The following ALOX12B variants were observed in gnomAD, a reference collection of about 807,000 sequenced individuals.
ALOX12B encodes arachidonate 12-lipoxygenase, 12R type.
ALOX12B carries 47 observed loss-of-function variants against 78.9 expected under a neutral mutation model. The observed-to-expected ratio is 0.60, with a 90% CI of 0.47 to 0.76. ALOX12B has a LOEUF of 0.76. ALOX12B is among the 30% of genes least tolerant of loss of function. ALOX12B has a pLI of 0.00. For synonymous variants in ALOX12B, 370 were observed against 374.5 expected (o/e 0.99, Z 0.14); for missense variants, 805 against 922.6 (o/e 0.87, Z 1.65).
intron 8 of ALOX12B, among the ~76,000 whole-genome samples, chr17:8,077,420 G>A (rs904556590): frequency 3.3e-5 from 5 of 152,170 alleles, no homozygotes; most frequent in Non-Finnish European, 7.3e-5. Context: ...GTCTCTACCT[G>A]GCAGCTCCCA....
chr17:8,076,900 T>A, intron 9 of ALOX12B, 90 bp downstream of exon 9: 1 of 1,469,040 alleles, frequency 6.8e-7, no homozygotes, highest in Non-Finnish European at 9.3e-7. Context: ...CTGACTGGAG[T>A]CTCTCTGACT....
Position 8,076,640 on chromosome 17 carries a change from G to A in ALOX12B, c.1362+17C>T. ...GGAAAACAAATGTCTCGTTGGGGTT[G>A]GGGGCAGAAGTCTTACCTTGGCAGA... On this transcript the variant is annotated intron_variant, in intron 10 of 14. Transcript: ENST00000647874. 6.5e-7 allele frequency: 1 copy of A among 1,548,614 alleles called. No individual in the cohort carries two copies. The highest frequency in any genetic ancestry group is 8.7e-7 in the Non-Finnish European group (1 of 1,144,330).
At chr17:8,082,653 A>G (rs1365743220) in intron 2 of ALOX12B, among the ~76,000 whole-genome samples, 1 of 152,198 alleles carries the variant, frequency 6.6e-6, no homozygotes, top group African/African-American at 2.4e-5. Context: ...CACCCTGAAC[A>G]TCTGCTTCTT....
At position 8,079,655 on chromosome 17, in the gene ALOX12B, C is replaced by G; in HGVS notation, c.927+114G>C. ...GGCAGGGGTGGGACGGGGACAGGGACGCGGGGTGCGGGCTTGCCTGGGACT... is the reference window on the plus strand; with the variant it reads ...GGCAGGGGTGGGACGGGGACAGGGAGGCGGGGTGCGGGCTTGCCTGGGACT... On this transcript the variant is annotated intron_variant, in intron 7 of 14. Transcript: ENST00000647874. The surrounding 1 kb of genome is among the most constrained non-coding windows in gnomAD (Gnocchi z 6.4). 1 of 1,532,946 alleles carries G rather than the reference C, an allele frequency of 6.5e-7. No homozygotes were observed. The highest frequency in any genetic ancestry group is 1.4e-5 in the African/African-American group (1 of 72,806). 95.0% of individuals were successfully genotyped at this position (1,532,946 alleles called of 1,614,324 possible). A position where few individuals can be genotyped will look rare whatever the true frequency, so the allele number is the denominator to read the frequency against.
intron 1 of ALOX12B, among the ~76,000 whole-genome samples, 160 bp from the exon 2 acceptor site, chr17:8,086,380 T>C (rs1978298526): frequency 6.6e-6 from 1 of 152,142 alleles, no homozygotes; most frequent in Non-Finnish European, 1.5e-5. Flanking sequence ...TTGAGCTTCC[T>C]TCTGACTTCT....
rs753337186 is a variant in ALOX12B, at chr17:8,087,463, G to T, written c.-21C>A. 13 of 1,613,962 alleles carry T rather than the reference G, an allele frequency of 8.1e-6. No homozygotes were observed. In the Admixed American group the frequency reaches 2.2e-4, roughly 27 times the overall value. On this transcript the variant is annotated 5_prime_UTR_variant, in exon 1 of 15. Transcript: ENST00000647874. ...GCCATGGCTGCTCTTCAGGAGGCAA[G>T]AGGGGCACTCAGTCCCAGACACCGT...
chr17:8,077,621 G>A (rs1316036589), intron 8 of ALOX12B, among the ~76,000 whole-genome samples: 1 of 152,208 alleles, frequency 6.6e-6, no homozygotes, highest in African/African-American at 2.4e-5. Flanking sequence ...AGGCTCTGGG[G>A]CTCTGGCCCA....
At position 8,076,978 on chromosome 17, in the gene ALOX12B, C is replaced by T. The variant is rs1361028106; in HGVS notation, c.1275+12G>A. 1 of 1,611,538 alleles carries T rather than the reference C, an allele frequency of 6.2e-7. No individual in the cohort carries two copies. Among genetic ancestry groups the T allele is most frequent in the Non-Finnish European group, 8.5e-7 (1 of 1,179,172 alleles). On this transcript the variant is annotated intron_variant, in intron 9 of 14. Coordinates refer to ENST00000647874, the MANE Select transcript of ALOX12B (RefSeq NM_001139.3). ...TGATGCCTGGGGGAGGCCCCTTCTC[C>T]CAAGCCCATACCTTGTAGAGGGGGT...
intron 2 of ALOX12B, among the ~76,000 whole-genome samples, chr17:8,082,362 A>G (rs1053410029): frequency 6.6e-6 from 1 of 152,178 alleles, no homozygotes; most frequent in African/African-American, 2.4e-5. Flanking sequence ...AGCTGTGGAA[A>G]GTCACAAAAG....
At position 8,086,205 on chromosome 17, in the gene ALOX12B, C is replaced by T. The variant is rs561140227; in HGVS notation, c.163G>A (p.Val55Met). ...FATGAVGQYT[V>M]QCPQDLGELI... ...TCACCCAGGTCCTGAGGGCACTGCA[C>T]GGTGTACTGGCCCACCTAGGCAGGA... Residue 55 changes from valine (V) to methionine (M), a missense_variant, in exon 2 of 15, where the codon GTG becomes ATG. Coordinates refer to ENST00000647874, the MANE Select transcript of ALOX12B (RefSeq NM_001139.3). The T allele has an allele frequency of 2.8e-5, 46 of 1,614,060 alleles. No homozygotes were observed. Among genetic ancestry groups the T allele is most frequent in the Middle Eastern group, 1.7e-4 (1 of 6,050 alleles).
chr17:8,085,937 C>A, intron 2 of ALOX12B, 79 bp downstream of exon 2: 1 of 1,548,142 alleles, frequency 6.5e-7, no homozygotes, highest in South Asian at 1.1e-5. Flanking sequence ...TTGATGGGAG[C>A]CTGGGTGCCA....
rs1431851231 is a variant in ALOX12B at position 8,075,680 on chromosome 17, A to C, written c.1569T>G (p.Ser523Arg). 3.1e-6 allele frequency: 5 copies of C among 1,613,950 alleles called. No homozygotes were observed. Among genetic ancestry groups the C allele is most frequent in the Non-Finnish European group, 4.2e-6 (5 of 1,180,024 alleles). The change falls in exon 12 of 15, where the codon AGT becomes AGG. Residue 523 changes from serine to arginine, a missense_variant. Transcript: ENST00000647874. ...VTEIITYYYP[S>R]DAAVEGDPEL... is the part of the protein sequence containing the mutation. ...CCGGATCACCCTCCACGGCTGCGTC[A>C]CTCGGGTAATAATAGGTGATGATCT...
rs781409869 is a variant in ALOX12B at position 8,077,111 on chromosome 17, AC to A, written c.1153del (p.Val385TyrfsTer30). 2.5e-6 allele frequency: 4 copies of A among 1,613,922 alleles called. No homozygotes were observed. Among genetic ancestry groups the A allele is most frequent in the Non-Finnish European group, 3.4e-6 (4 of 1,180,008 alleles). ...EWDWLLAKTWVRYAEFYSHEA... is the reference protein window; with the variant it reads ...EWDWLLAKTWXRYAEFYSHEA... The stretch of plus-strand genomic sequence containing the variant: ...GTGGCTGTAGAACTCCGCATAGCGT[AC>A]CCACGTCTTGGCTAGCAGCCAGTCC... On this transcript the variant is annotated frameshift_variant, in exon 9 of 15. Transcript: ENST00000647874. LOFTEE classifies it high-confidence loss of function.
At chr17:8,075,530 G>T in intron 12 of ALOX12B, 65 bp downstream of exon 12, 9 of 1,611,256 alleles carry the variant, frequency 5.6e-6, no homozygotes, top group South Asian at 1.1e-5. Flanking sequence ...GGCCCTAGCA[G>T]ACCTGCCTGG....
rs755324929 is a variant in ALOX12B at position 8,077,080 on chromosome 17, G to T, written c.1185C>A (p.Ala395=). The change falls in exon 9 of 15, where the codon GCC becomes GCA. Residue 395 remains alanine (A), a synonymous_variant. Coordinates refer to ENST00000647874, the MANE Select transcript of ALOX12B (RefSeq NM_001139.3). ...VRYAEFYSHE[A]IAHLLETHLI... is the part of the protein sequence containing the mutation. ...GGTGTGTCTCCAGCAGGTGGGCGAT[G>T]GCCTCGTGGCTGTAGAACTCCGCAT... 105 of 1,613,938 alleles carry T rather than the reference G, an allele frequency of 6.5e-5. No homozygotes were observed. The highest frequency in any genetic ancestry group is 8.3e-5 in the Non-Finnish European group (98 of 1,180,026).
intron 12 of ALOX12B, among the ~76,000 whole-genome samples, chr17:8,075,327 C>T (rs374183531): frequency 1.8e-4 from 27 of 152,158 alleles, no homozygotes; most frequent in African/African-American, 5.3e-4. Context: ...GGGCTGGGAC[C>T]CCTCCAGGTC....
chr17:8,080,066 G>T lies in ALOX12B; in HGVS notation c.755-125C>A. The T allele has an allele frequency of 6.7e-7, 1 of 1,503,586 alleles. No homozygotes were observed. The highest frequency in any genetic ancestry group is 9.1e-7 in the Non-Finnish European group (1 of 1,093,266). 93.1% of individuals were successfully genotyped at this position (1,503,586 alleles called of 1,614,324 possible). A position where few individuals can be genotyped will look rare whatever the true frequency, so the allele number is the denominator to read the frequency against. The stretch of plus-strand genomic sequence containing the variant: ...GGAGGAAAACGAGGCCCCCAGCCTG[G>T]CGCTGAGCGGCCGGAGGAGCCCGGT... On this transcript the variant is annotated intron_variant, in intron 6 of 14. Transcript: ENST00000647874. The surrounding 1 kb of genome is among the most constrained non-coding windows in gnomAD (Gnocchi z 4.8).
chr17:8,076,671 C>G lies in ALOX12B; in HGVS notation c.1348G>C (p.Gly450Arg). ...IGRAVLLNEG[G>R]LSAKGMSLGV... ...AGAAGTCTTACCTTGGCAGAGAGCC[C>G]CCCCTCATTGAGGAGAACGGCCCGG... is the stretch of plus-strand genomic sequence containing the variant. Residue 450 changes from glycine to arginine, a missense_variant, in exon 10 of 15, where the codon GGG becomes CGG. Physicochemically the swap from Gly to Arg is moderately radical, Grantham distance 125. Coordinates refer to ENST00000647874, the MANE Select transcript of ALOX12B (RefSeq NM_001139.3). 1 of 1,551,414 alleles carries G rather than the reference C, an allele frequency of 6.4e-7. No homozygotes were observed. The highest frequency in any genetic ancestry group is 8.7e-7 in the Non-Finnish European group (1 of 1,147,008).
intron 14 of ALOX12B, 78 bp downstream of exon 14, chr17:8,073,070 G>A: frequency 6.2e-7 from 1 of 1,608,182 alleles, no homozygotes; most frequent in Non-Finnish European, 8.5e-7. Context: ...CTCCCCTCTT[G>A]ACGCCGCTAG....
Sources: gnomAD v4.1 joint callset for allele counts (sites outside exome capture counted in the v4.1 genomes callset) on GRCh38, gnomAD v4.1.1 for gene constraint, Gnocchi (gnomAD v3.1) non-coding constraint, MANE v1.5 for transcripts, NCBI Gene and HGNC (gene_info 2026-07-23, HGNC 2026-07-21) for gene names.